The following ACER1 variants were observed in gnomAD, a reference collection of about 807,000 sequenced individuals.
ACER1 encodes alkaline ceramidase 1.
ACER1 carries 28 observed loss-of-function variants against 24.9 expected under a neutral mutation model. The observed-to-expected ratio is 1.13, with a 90% CI of 0.83 to 1.54. ACER1 has a LOEUF of 1.54. Ranked by LOEUF, ACER1 falls within the 40% of genes most tolerant of loss-of-function variation. The pLI, the probability that ACER1 is intolerant of heterozygous loss-of-function variation, is 0.00. For synonymous variants in ACER1, 132 were observed against 131.4 expected (o/e 1.00, Z -0.03); for missense variants, 352 against 349.3 (o/e 1.01, Z -0.06).
At chr19:6,345,710 G>A in the ACER1 span, among the ~76,000 whole-genome samples, 5 of 151,460 alleles carry the variant, frequency 3.3e-5, no homozygotes, top group South Asian at 4.2e-4. Flanking sequence ...GATTACAGGC[G>A]CGCACGACCA....
the ACER1 span, among the ~76,000 whole-genome samples, chr19:6,348,660 A>C: frequency 6.6e-6 from 1 of 152,098 alleles, no homozygotes; most frequent in African/African-American, 2.4e-5. Flanking sequence ...ATTAAAAAAA[A>C]AGATGACAAA....
chr19:6,309,361 A>T (rs1228468178), intron 4 of ACER1, among the ~76,000 whole-genome samples: 1 of 152,090 alleles, frequency 6.6e-6, no homozygotes. Context: ...TCTACAAAGA[A>T]AAATACAAAA....
At chr19:6,326,642 G>A (rs2091663174) in intron 1 of ACER1, among the ~76,000 whole-genome samples, 2 of 151,848 alleles carry the variant, frequency 1.3e-5, no homozygotes, top group Admixed American at 1.3e-4. Context: ...CCCCGTTTCT[G>A]GCACCCCCTT....
At chr19:6,307,390 G>C (rs2144993608) in intron 4 of ACER1, 100 bp from the exon 5 acceptor site, 2 of 1,394,870 alleles carry the variant, frequency 1.4e-6, no homozygotes, top group Admixed American at 4.6e-5. Context: ...CTCAGAGGTT[G>C]GGAGAAGGGA....
chr19:6,307,735 G>A (rs1182387156), intron 4 of ACER1, among the ~76,000 whole-genome samples: 1 of 152,114 alleles, frequency 6.6e-6, no homozygotes, highest in Non-Finnish European at 1.5e-5. Flanking sequence ...AGGCTGCAGT[G>A]AGCCGTGATT....
At chr19:6,337,661 CTTTTTTTTTTT>C (rs1192304687), upstream of ACER1, among the ~76,000 whole-genome samples, 16 of 25,932 alleles carry the variant, frequency 6.2e-4, no homozygotes, top group East Asian at 5.6e-3. Context: ...TTCTTTCTTT[CTTTTTTTTTTT>C]TTTTTTTTTT....
the ACER1 span, among the ~76,000 whole-genome samples, chr19:6,347,886 T>C: frequency 2.6e-5 from 4 of 151,002 alleles, no homozygotes; most frequent in Non-Finnish European, 5.9e-5. Flanking sequence ...CCATGACTAG[T>C]GTCCTTATAA....
At chr19:6,347,132 A>ATATATATATATATATATATG in the ACER1 span, among the ~76,000 whole-genome samples, 9 of 118,170 alleles carry the variant, frequency 7.6e-5, no homozygotes, top group African/African-American at 2.4e-4. Context: ...ATATATATAT[A>ATATATATATATATATATATG]AAATAATAAT....
chr19:6,355,694 A>G, the ACER1 span, among the ~76,000 whole-genome samples: 4 of 115,962 alleles, frequency 3.4e-5, no homozygotes, highest in Admixed American at 8.3e-5. Flanking sequence ...GGCCACCCCT[A>G]CTGGGAAGTG....
At chr19:6,315,778 C>G (rs72981983) in intron 1 of ACER1, among the ~76,000 whole-genome samples, 37,982 of 151,844 alleles carry the variant, frequency 0.25, 5,040 homozygotes, top group East Asian at 0.41. Context: ...GCCTCCCAAA[C>G]TGCTGGGATT....
At chr19:6,350,457 G>C in the ACER1 span, among the ~76,000 whole-genome samples, 2 of 152,106 alleles carry the variant, frequency 1.3e-5, no homozygotes, top group South Asian at 4.1e-4. Flanking sequence ...TGTAATCCCA[G>C]GTACTCGGGA....
At chr19:6,359,186 C>T in the ACER1 span, among the ~76,000 whole-genome samples, 1 of 152,086 alleles carries the variant, frequency 6.6e-6, no homozygotes, top group East Asian at 1.9e-4. Context: ...GAGCTCTGAT[C>T]ACACCACTGT....
the ACER1 span, among the ~76,000 whole-genome samples, chr19:6,355,751 G>A: frequency 7.1e-6 from 1 of 140,156 alleles, no homozygotes; most frequent in Admixed American, 7.1e-5. Flanking sequence ...AGGGAGGTGG[G>A]GGGGTCAGCC....
chr19:6,360,346 C>T, the ACER1 span: 1 of 151,972 alleles, frequency 6.6e-6, no homozygotes, highest in East Asian at 1.9e-4. Context: ...TCTCTGGGAC[C>T]CCTCTTCCAA....
At chr19:6,322,784 C>G (rs113477161) in intron 1 of ACER1, among the ~76,000 whole-genome samples, 1 of 152,078 alleles carries the variant, frequency 6.6e-6, no homozygotes, top group African/African-American at 2.4e-5. Context: ...CTCCTAATAG[C>G]GAATGAGTCT....
chr19:6,343,406 T>A, the ACER1 span, among the ~76,000 whole-genome samples: 4 of 151,752 alleles, frequency 2.6e-5, no homozygotes, highest in Non-Finnish European at 5.9e-5. Flanking sequence ...GTGACCTCCA[T>A]CTCAACATGT....
chr19:6,353,686 G>A, the ACER1 span, among the ~76,000 whole-genome samples: 9 of 151,646 alleles, frequency 5.9e-5, no homozygotes, highest in Admixed American at 2.6e-4. Context: ...TTAGCCTGGC[G>A]TGGTGGCACG....
intron 1 of ACER1, 136 bp from the exon 2 acceptor site, chr19:6,312,635 C>A: frequency 1.5e-5 from 9 of 582,456 alleles, no homozygotes; most frequent in Non-Finnish European, 2.5e-5. Context: ...CAGGATTTGT[C>A]AATCACTCAC....
chr19:6,333,208 G>A (rs2091697081), intron 1 of ACER1, among the ~76,000 whole-genome samples: 1 of 152,158 alleles, frequency 6.6e-6, no homozygotes, highest in Non-Finnish European at 1.5e-5. Context: ...TCACATCAGA[G>A]TTAGCTTAGG....
Sources: allele counts gnomAD v4.1 joint callset (sites outside exome capture counted in the v4.1 genomes callset), GRCh38; gene constraint gnomAD v4.1.1; transcripts MANE v1.5; gene names NCBI Gene and HGNC (gene_info 2026-07-23, HGNC 2026-07-21).